The following MBNL3 variants were observed in gnomAD, a reference collection of about 807,000 sequenced individuals.
MBNL3 encodes muscleblind like splicing regulator 3.
Under a neutral mutation model 24.5 loss-of-function variants are expected in MBNL3, and 6 were observed. The observed-to-expected ratio is 0.25, with a 90% CI of 0.13 to 0.48. The LOEUF (loss-of-function observed/expected upper bound fraction) is 0.48. Among genes scored for constraint, MBNL3 ranks in the 20% least tolerant of loss-of-function variants. The pLI, the probability that MBNL3 is intolerant of heterozygous loss-of-function variation, is 0.99. For synonymous variants in MBNL3, 100 were observed against 101.7 expected (o/e 0.98, Z 0.10); for missense variants, 230 against 293.5 (o/e 0.78, Z 1.58).
At chrX:132,386,190 A>G (rs919701846) in intron 6 of MBNL3, among the ~76,000 whole-genome samples, 2 of 112,369 alleles carry the variant, frequency 1.8e-5, no homozygotes, top group Admixed American at 9.4e-5. Flanking sequence ...GTTACAGGCT[A>G]AAACTATCTG....
In MBNL3 at chrX:132,378,334, T is replaced by C. The variant is rs961377579; in HGVS notation, c.*1332A>G. 3 of 111,585 alleles carry C rather than the reference T, an allele frequency of 2.7e-5. No individual in the cohort carries two copies. Among genetic ancestry groups the C allele is most frequent in the Non-Finnish European group, 5.7e-5 (3 of 53,044 alleles). The allele number at this position is 111,585 out of a possible 1,213,427, so 9.2% of individuals were successfully genotyped here. ...CAAGGAATAATTGTAAGTGCTTCCC[T>C]GTTCCCTGTCCTAGCCATTTCTCCA... On this transcript the variant is annotated 3_prime_UTR_variant, in exon 9 of 9. Coordinates refer to ENST00000370853, the MANE Select transcript of MBNL3 (RefSeq NM_001386889.1).
intron 2 of MBNL3, among the ~76,000 whole-genome samples, chrX:132,412,133 C>T (rs1289792859): frequency 1.8e-5 from 2 of 110,536 alleles, no homozygotes; most frequent in Middle Eastern, 4.2e-3. Context: ...GTGACCATTA[C>T]GGCTGAAACA....
intron 3 of MBNL3, among the ~76,000 whole-genome samples, chrX:132,404,799 G>T (rs772210744): frequency 8.9e-6 from 1 of 111,927 alleles, no homozygotes; most frequent in East Asian, 2.8e-4. Context: ...ACAGCTGATT[G>T]TCCTCCCCCA....
rs1934246884 is a variant in MBNL3, at chrX:132,377,469, G to T, written c.*2197C>A. ...AGAAAGCACTGTTGATCAGGATTTGGATGGATAATTAAGATCAACAGAGTA... is the reference window on the plus strand; with the variant it reads ...AGAAAGCACTGTTGATCAGGATTTGTATGGATAATTAAGATCAACAGAGTA... On this transcript the variant is annotated 3_prime_UTR_variant, in exon 9 of 9. Coordinates refer to ENST00000370853, the MANE Select transcript of MBNL3 (RefSeq NM_001386889.1). The T allele has an allele frequency of 9.0e-6, 1 of 111,593 alleles. No homozygotes were observed. Among genetic ancestry groups the T allele is most frequent in the African/African-American group, 3.3e-5 (1 of 30,741 alleles). 9.2% of individuals were successfully genotyped at this position (111,593 alleles called of 1,213,427 possible).
intron 1 of MBNL3, among the ~76,000 whole-genome samples, chrX:132,468,148 C>T (rs965115398): frequency 4.5e-5 from 5 of 112,094 alleles, no homozygotes; most frequent in African/African-American, 1.6e-4. Flanking sequence ...AGTGTAAATC[C>T]AACACTGTTT....
intron 1 of MBNL3, among the ~76,000 whole-genome samples, chrX:132,461,186 C>T (rs1389758125): frequency 9.0e-6 from 1 of 111,670 alleles, no homozygotes; most frequent in African/African-American, 3.3e-5. Context: ...AAAATAAAGA[C>T]AAGTGGTTCA....
intron 1 of MBNL3, among the ~76,000 whole-genome samples, chrX:132,476,695 T>G (rs1184352195): frequency 8.9e-6 from 1 of 111,801 alleles, no homozygotes; most frequent in Non-Finnish European, 1.9e-5. Context: ...AAAGTTAGAG[T>G]GCTGCATGAA....
At chrX:132,390,265 CAAAAA>C (rs59093044) in intron 5 of MBNL3, among the ~76,000 whole-genome samples, 6 of 31,618 alleles carry the variant, frequency 1.9e-4, no homozygotes, top group East Asian at 1.3e-3. Flanking sequence ...ACAACAACAA[CAAAAA>C]AAAAAAAAAA....
At position 132,375,834 on chromosome X, in the gene MBNL3, G is replaced by C. The variant is rs140663219; in HGVS notation, c.*3832C>G. 9 of 111,615 alleles carry C rather than the reference G, an allele frequency of 8.1e-5. No homozygotes were observed. Among genetic ancestry groups the C allele is most frequent in the African/African-American group, 1.6e-4 (5 of 30,834 alleles). 9.2% of individuals were successfully genotyped at this position (111,615 alleles called of 1,213,427 possible). A position where few individuals can be genotyped will look rare whatever the true frequency, so the allele number is the denominator to read the frequency against. On this transcript the variant is annotated 3_prime_UTR_variant, in exon 9 of 9. Transcript: ENST00000370853. ...AAAGGAACTCGGAAAACTTGTGGCT[G>C]CATTTTACCTAAGAGCATCCTTATC...
rs766370629 is a variant in MBNL3, at chrX:132,460,016, A to G, written c.-703-19702T>C. 4.3e-4 allele frequency among the ~76,000 whole-genome samples: 48 copies of G among 111,747 alleles called. 1 individual carries two copies. The highest frequency in any genetic ancestry group is 3.8e-3 in the Admixed American group (40 of 10,505). ...TTTAAATAAAGTGTGGGAGAGTGCA[A>G]GGGACCTAGACGGAAAAAAGTTAAC... On this transcript the variant is annotated intron_variant, in intron 1 of 8. Coordinates refer to ENST00000370853, the MANE Select transcript of MBNL3 (RefSeq NM_001386889.1).
At chrX:132,395,928 G>A (rs912361318) in intron 3 of MBNL3, among the ~76,000 whole-genome samples, 1 of 111,008 alleles carries the variant, frequency 9.0e-6, no homozygotes, top group Non-Finnish European at 1.9e-5. Flanking sequence ...CTAGAGTAAG[G>A]CTCTGCAAAC....
chrX:132,473,652 CAT>C (rs1947295017), intron 1 of MBNL3, among the ~76,000 whole-genome samples: 1 of 111,068 alleles, frequency 9.0e-6, no homozygotes, highest in Non-Finnish European at 1.9e-5. Context: ...CATATGTATA[CAT>C]ATGTTTATAT....
At chrX:132,391,971 TC>T (rs1255976520) in intron 4 of MBNL3, among the ~76,000 whole-genome samples, 171 bp downstream of exon 4, 6 of 111,994 alleles carry the variant, frequency 5.4e-5, no homozygotes, top group Non-Finnish European at 9.4e-5. Flanking sequence ...TACAGGTGAA[TC>T]AATGCACTTT....
At position 132,371,232 on chromosome X, in the gene MBNL3, C is replaced by T. The variant is rs5977691; in HGVS notation, c.*8434G>A. On this transcript the variant is annotated 3_prime_UTR_variant, in exon 9 of 9. Coordinates refer to ENST00000370853, the MANE Select transcript of MBNL3 (RefSeq NM_001386889.1). Reference sequence around the variant, plus strand: ...CTTGACAAGGACCCAACCTCCTCCCCGACCCTCTTCACTGTTAAGAGACAC... The same window carrying T: ...CTTGACAAGGACCCAACCTCCTCCCTGACCCTCTTCACTGTTAAGAGACAC... 0.4 allele frequency: 43,644 copies of T among 109,533 alleles called. 8,409 individuals are homozygous for T. The highest frequency in any genetic ancestry group is 0.74 in the African/African-American group (22,303 of 29,979). The allele number at this position is 109,533 out of a possible 1,213,427, so 9.0% of individuals were successfully genotyped here.
chrX:132,463,674 C>T (rs1054501702), intron 1 of MBNL3, among the ~76,000 whole-genome samples: 1 of 111,019 alleles, frequency 9.0e-6, no homozygotes, highest in African/African-American at 3.3e-5. Flanking sequence ...AGGAGTTTCG[C>T]ACACAATTTT....
chrX:132,382,221 G>A lies in MBNL3; in HGVS notation c.1010C>T (p.Pro337Leu), dbSNP rs1438324826. 8.3e-7 allele frequency: 1 copy of A among 1,211,160 alleles called. No homozygotes were observed. The highest frequency in any genetic ancestry group is 3.0e-5 in the East Asian group (1 of 33,821). ...TGCAGCGAACGGAACGCTGGTGGCAGGTGTTGTTGCTGCAGACACAGTGGT... is the reference window on the plus strand; with the variant it reads ...TGCAGCGAACGGAACGCTGGTGGCAAGTGTTGTTGCTGCAGACACAGTGGT... ...TPTTVSAATT[P>L]ATSVPFAAPT... The change falls in exon 8 of 9, where the codon CCT becomes CTT. Residue 337 changes from proline (P) to leucine (L), a missense_variant. Physicochemically the swap from Pro to Leu is moderately conservative, Grantham distance 98. Coordinates refer to ENST00000370853, the MANE Select transcript of MBNL3 (RefSeq NM_001386889.1).
At chrX:132,409,135 C>T (rs2148301259) in intron 2 of MBNL3, among the ~76,000 whole-genome samples, 1 of 112,405 alleles carries the variant, frequency 8.9e-6, no homozygotes, top group Non-Finnish European at 1.9e-5. Context: ...TATATTTGTA[C>T]ACACAACACT....
At position 132,458,699 on chromosome X, in the gene MBNL3, C is replaced by G. The variant is rs768353144; in HGVS notation, c.-703-18385G>C. 4.5e-5 allele frequency among the ~76,000 whole-genome samples: 5 copies of G among 111,177 alleles called. No individual in the cohort carries two copies. In the South Asian group the frequency reaches 1.9e-3, roughly 43 times the overall value. ...ACATAAACACTTCTTAAAGGCCCCACTGCCTCTCAATACCATTACATTGGC... is the reference window on the plus strand; with the variant it reads ...ACATAAACACTTCTTAAAGGCCCCAGTGCCTCTCAATACCATTACATTGGC... On this transcript the variant is annotated intron_variant, in intron 1 of 8. Coordinates refer to ENST00000370853, the MANE Select transcript of MBNL3 (RefSeq NM_001386889.1).
chrX:132,415,700 T>A (rs191455658), intron 2 of MBNL3, among the ~76,000 whole-genome samples: 73 of 111,504 alleles, frequency 6.5e-4, no homozygotes, highest in African/African-American at 2.3e-3. Flanking sequence ...CCCAATGAGG[T>A]CAAATGTCTC....
Sources: gnomAD v4.1 joint callset for allele counts (sites outside exome capture counted in the v4.1 genomes callset) on GRCh38, gnomAD v4.1.1 for gene constraint, MANE v1.5 for transcripts, NCBI Gene and HGNC (gene_info 2026-07-23, HGNC 2026-07-21) for gene names.